The following TBL1XR1 variants were observed in gnomAD, a reference collection of about 807,000 sequenced individuals.
TBL1XR1 encodes the protein TBL1X/Y related 1, also known as F-box-like/WD repeat-containing protein TBL1XR1.
TBL1XR1 carries 5 observed loss-of-function variants against 66.9 expected under a neutral mutation model. The observed-to-expected ratio is 0.07, with a 90% CI of 0.04 to 0.16. The LOEUF is 0.16. TBL1XR1 is among the 10% of genes least tolerant of loss of function. The probability of loss-of-function intolerance (pLI) is 1.00; values close to 1 mark genes in which losing one functional copy is unlikely to be tolerated. For synonymous variants in TBL1XR1, 210 were observed against 206.0 expected, an observed-to-expected ratio of 1.02 and a Z score of -0.17; for missense variants, 238 against 623.2, an observed-to-expected ratio of 0.38 and a Z score of 6.58.
intron 1 of TBL1XR1, among the ~76,000 whole-genome samples, chr3:177,106,139 A>C (rs140426874): frequency 6.6e-6 from 1 of 152,316 alleles, no homozygotes; most frequent in East Asian, 1.9e-4. Context: ...AAAGACTTCA[A>C]AACATAATAA....
chr3:177,090,565 G>A (rs533445978), intron 2 of TBL1XR1, among the ~76,000 whole-genome samples: 5 of 149,628 alleles, frequency 3.3e-5, no homozygotes, highest in South Asian at 2.1e-4. Flanking sequence ...GCTCACATCC[G>A]TAATCAAGAC....
chr3:177,200,401 C>T (rs1559984842), upstream of TBL1XR1, among the ~76,000 whole-genome samples: 1 of 152,130 alleles, frequency 6.6e-6, no homozygotes, highest in Admixed American at 6.5e-5. Context: ...ATTCTGGAAA[C>T]TATCTGAAAC....
At chr3:177,129,572 T>C (rs1174341755) in intron 1 of TBL1XR1, among the ~76,000 whole-genome samples, 2 of 152,326 alleles carry the variant, frequency 1.3e-5, no homozygotes, top group African/African-American at 2.4e-5. Flanking sequence ...AATGGTTACC[T>C]TTCCAGAGGC....
chr3:177,165,697 G>A (rs1291524069), intron 1 of TBL1XR1, among the ~76,000 whole-genome samples: 1 of 152,102 alleles, frequency 6.6e-6, no homozygotes, highest in East Asian at 1.9e-4. Flanking sequence ...ACAATACAAT[G>A]GAGCAAAGAC....
At chr3:177,131,058 G>GA (rs1283337905) in intron 1 of TBL1XR1, among the ~76,000 whole-genome samples, 1 of 152,086 alleles carries the variant, frequency 6.6e-6, no homozygotes, top group Non-Finnish European at 1.5e-5. Context: ...AATGGCAACA[G>GA]AAACTAGGTT....
intron 14 of TBL1XR1, 49 bp downstream of exon 14, chr3:177,032,922 T>G (rs1714210353): frequency 7.0e-7 from 1 of 1,421,098 alleles, no homozygotes; most frequent in Non-Finnish European, 9.3e-7. Context: ...AGGCAAATGC[T>G]TCTACCTAAA....
chr3:177,087,142 C>T (rs1377112604), intron 2 of TBL1XR1: 1 of 148,444 alleles, frequency 6.7e-6, no homozygotes, highest in Non-Finnish European at 1.5e-5. Context: ...TAGAAGTGAA[C>T]CCACATAGTC....
chr3:177,026,590 T>C, intron 14 of TBL1XR1, 116 bp from the exon 15 acceptor site: 1 of 688,246 alleles, frequency 1.5e-6, no homozygotes, highest in Non-Finnish European at 2.3e-6. Flanking sequence ...GGGACTTAGC[T>C]TCAACTATAA....
At chr3:177,192,411 A>AAAAAG (rs1553764324) in intron 1 of TBL1XR1, among the ~76,000 whole-genome samples, 2 of 151,600 alleles carry the variant, frequency 1.3e-5, no homozygotes, top group East Asian at 3.9e-4. Context: ...AAAAAAAAAA[A>AAAAAG]AAAGAAAGAA....
At chr3:177,133,226 G>A (rs1728508111) in intron 1 of TBL1XR1, among the ~76,000 whole-genome samples, 1 of 152,196 alleles carries the variant, frequency 6.6e-6, no homozygotes, top group East Asian at 1.9e-4. Context: ...GGCAGAGGCT[G>A]CAGTGAGCTA....
At chr3:177,143,392 A>G (rs1729856527) in intron 1 of TBL1XR1, among the ~76,000 whole-genome samples, 2 of 152,136 alleles carry the variant, frequency 1.3e-5, no homozygotes, top group Admixed American at 6.6e-5. Context: ...CAAAAAAAAA[A>G]GGGAAGGAAT....
intron 3 of TBL1XR1, among the ~76,000 whole-genome samples, chr3:177,059,797 A>C (rs1399454790): frequency 6.6e-6 from 1 of 152,216 alleles, no homozygotes; most frequent in Non-Finnish European, 1.5e-5. Flanking sequence ...CATTTGAGTC[A>C]GTGGACTAGA....
Position 177,146,589 on chromosome 3 carries a change from CAAAA to C in TBL1XR1, c.-121-48052_-121-48049del, listed in dbSNP as rs78065426. 9.6e-5 allele frequency among the ~76,000 whole-genome samples: 5 copies of C among 51,966 alleles called. 1 individual carries two copies. The highest frequency in any genetic ancestry group is 7.8e-4 in the South Asian group (1 of 1,288). 34.1% of individuals were successfully genotyped at this position (51,966 alleles called of 152,430 possible). On this transcript the variant is annotated intron_variant, in intron 1 of 15. Transcript: ENST00000457928. ...TGGGCAGCTGAGCGAGACTCCATCT[CAAAA>C]AAAAAAAAAAAAAAGTTGTATTCAC...
chr3:177,193,770 G>T (rs1002806156), intron 1 of TBL1XR1, among the ~76,000 whole-genome samples: 1 of 152,060 alleles, frequency 6.6e-6, no homozygotes, highest in Admixed American at 6.5e-5. Context: ...TGATCTACAC[G>T]GATCAAGACT....
intron 1 of TBL1XR1, among the ~76,000 whole-genome samples, chr3:177,122,282 G>A (rs541854178): frequency 1.8e-4 from 12 of 65,678 alleles, no homozygotes; most frequent in Admixed American, 1.6e-3. Context: ...ACTTATATAA[G>A]ACAGATAAAA....
chr3:177,134,967 C>CTGTGTGTGTGTCTGTGTGTG, intron 1 of TBL1XR1, among the ~76,000 whole-genome samples: 1 of 138,144 alleles, frequency 7.2e-6, no homozygotes, highest in African/African-American at 2.8e-5. Flanking sequence ...GTGTGTGTGT[C>CTGTGTGTGTGTCTGTGTGTG]TGTGTGTGTG....
intron 1 of TBL1XR1, among the ~76,000 whole-genome samples, chr3:177,102,329 A>G (rs1365444905): frequency 1.3e-5 from 2 of 152,224 alleles, no homozygotes; most frequent in African/African-American, 2.4e-5. Flanking sequence ...GAAAAATGGT[A>G]TACCAACTGC....
chr3:177,051,710 T>C lies in TBL1XR1; in HGVS notation c.221A>G (p.Asp74Gly). ...GGACAGAGACTCTATTGGTCGACCA[T>C]CAAACAAGGTACCATCCTGGATTTG... ...VSINEDGTLF[D>G]GRPIESLSLI... is the part of the protein sequence containing the mutation. Residue 74 changes from aspartate (D) to glycine (G), a missense_variant, in exon 5 of 16, where the codon GAT becomes GGT. Asp to Gly is a moderately conservative substitution (Grantham distance 94). This residue lies in a region of TBL1XR1 where 80 missense variants were observed against 100.5 expected (regional missense o/e 0.80). Coordinates refer to ENST00000457928, the MANE Select transcript of TBL1XR1 (RefSeq NM_024665.7). 1 of 1,583,502 alleles carries C rather than the reference T, an allele frequency of 6.3e-7. No homozygotes were observed. Among genetic ancestry groups the C allele is most frequent in the Non-Finnish European group, 8.6e-7 (1 of 1,161,356 alleles).
At chr3:177,136,424 C>T (rs948673105) in intron 1 of TBL1XR1, among the ~76,000 whole-genome samples, 15 of 152,124 alleles carry the variant, frequency 9.9e-5, no homozygotes, top group Non-Finnish European at 1.9e-4. Context: ...GGCAAGCAGG[C>T]GCCAGCCACT....
Sources: allele counts gnomAD v4.1 joint callset (sites outside exome capture counted in the v4.1 genomes callset), GRCh38; gene constraint gnomAD v4.1.1; regional missense constraint gnomAD v4.1.1; transcripts MANE v1.5; gene names NCBI Gene and HGNC (gene_info 2026-07-23, HGNC 2026-07-21).